The following KRT71 variants were observed in gnomAD, a reference collection of about 807,000 sequenced individuals.
KRT71 encodes keratin 71, also known as keratin, type II cytoskeletal 71.
Under a neutral mutation model 46.2 loss-of-function variants are expected in KRT71, and 42 were observed. That is an observed-to-expected ratio of 0.91 (90% CI 0.71 to 1.18). The LOEUF (loss-of-function observed/expected upper bound fraction) is 1.18. Among genes scored for constraint, KRT71 ranks in the 50% most tolerant of loss-of-function variants. The pLI is 0.00. For synonymous variants in KRT71, 292 were observed against 277.8 expected (o/e 1.05, Z -0.51); for missense variants, 708 against 677.9 (o/e 1.04, Z -0.49).
Position 52,544,474 on chromosome 12 carries a change from T to A in KRT71, c.*58A>T, listed in dbSNP as rs564579180. 2.1e-6 allele frequency: 3 copies of A among 1,461,906 alleles called. No homozygotes were observed. The highest frequency in any genetic ancestry group is 4.5e-5 in the East Asian group (2 of 44,052). The allele number at this position is 1,461,906 out of a possible 1,614,324, so 90.6% of individuals were successfully genotyped here. The stretch of plus-strand genomic sequence containing the variant: ...GGAGCTGAGAGTGGGCTGTGGGAAG[T>A]ACAGTGTGGGATCCAGAGCCGGGTC... On this transcript the variant is annotated 3_prime_UTR_variant, in exon 9 of 9. Transcript: ENST00000267119.
chr12:52,552,729 C>T lies in KRT71; in HGVS notation c.349G>A (p.Val117Met), dbSNP rs150480717. ...TTCTGGATCTCGGGGTCCAGCTCCA[C>T]GTTGAGGGGGGCCAGGAGGCTCTCA... is the stretch of plus-strand genomic sequence containing the variant. ...VNESLLAPLN[V>M]ELDPEIQKVR... is the part of the protein sequence containing the mutation. The change falls in exon 1 of 9, where the codon GTG (valine) becomes ATG (methionine). Residue 117 changes from valine (V) to methionine (M), a missense_variant. Physicochemically the swap from Val to Met is conservative, Grantham distance 21. Coordinates refer to ENST00000267119, the MANE Select transcript of KRT71 (RefSeq NM_033448.3). The T allele has an allele frequency of 2.4e-5, 39 of 1,613,976 alleles. No individual in the cohort carries two copies. Among genetic ancestry groups the T allele is most frequent in the Middle Eastern group, 1.6e-4 (1 of 6,084 alleles).
chr12:52,548,832 G>A (rs1939107790), intron 3 of KRT71, 36 bp from the exon 4 acceptor site: 4 of 1,588,864 alleles, frequency 2.5e-6, no homozygotes, highest in African/African-American at 1.3e-5. Context: ...GTCACTGCTG[G>A]TACAGCCAAA....
Position 52,548,738 on chromosome 12 carries a change from T to C in KRT71, c.776A>G (p.Asp259Gly). The C allele has an allele frequency of 6.2e-7, 1 of 1,614,186 alleles. No homozygotes were observed. The highest frequency in any genetic ancestry group is 8.5e-7 in the Non-Finnish European group (1 of 1,180,014). Reference protein sequence around the residue: ...VELQAKVESMDQEIKFFRCLF... With the variant: ...VELQAKVESMGQEIKFFRCLF... ...ACACCTGAAGAACTTGATCTCCTGG[T>C]CCATGGATTCCACCTTGGCCTGCAG... The change falls in exon 4 of 9, where the codon GAC (aspartate) becomes GGC (glycine). Residue 259 changes from aspartate (D) to glycine (G), a missense_variant. Coordinates refer to ENST00000267119, the MANE Select transcript of KRT71 (RefSeq NM_033448.3).
chr12:52,546,614 T>C (rs1592203869), intron 6 of KRT71, 108 bp from the exon 7 acceptor site: 1 of 1,040,688 alleles, frequency 9.6e-7, no homozygotes. Context: ...GCCTCCACCC[T>C]ACACACACCA....
chr12:52,544,146 A>T lies in KRT71; in HGVS notation c.*386T>A. On this transcript the variant is annotated 3_prime_UTR_variant, in exon 9 of 9. Coordinates refer to ENST00000267119, the MANE Select transcript of KRT71 (RefSeq NM_033448.3). Reference sequence around the variant, plus strand: ...CTTAAACACAGAGCCAGCTCCTGGCATAGGCAGGAACTATGCTAGGTCCCA... The same window carrying T: ...CTTAAACACAGAGCCAGCTCCTGGCTTAGGCAGGAACTATGCTAGGTCCCA... 4.6e-6 allele frequency: 1 copy of T among 216,840 alleles called. No homozygotes were observed. The highest frequency in any genetic ancestry group is 1.1e-4 in the East Asian group (1 of 9,362). The allele number at this position is 216,840 out of a possible 1,614,324, so 13.4% of individuals were successfully genotyped here. A position where few individuals can be genotyped will look rare whatever the true frequency, so the allele number is the denominator to read the frequency against.
chr12:52,548,273 A>G lies in KRT71; in HGVS notation c.857T>C (p.Ile286Thr). The G allele has an allele frequency of 6.2e-7, 1 of 1,614,040 alleles. No individual in the cohort carries two copies. The highest frequency in any genetic ancestry group is 8.5e-7 in the Non-Finnish European group (1 of 1,179,918). ...GTTCCGGTTGTTGTCCATGGACAGG[A>G]TGACAGACATGTCACTGATGTGGGA... ...IQSHISDMSV[I>T]LSMDNNRNLD... Residue 286 changes from isoleucine (I) to threonine (T), a missense_variant, in exon 5 of 9, where the codon ATC becomes ACC. Physicochemically the swap from Ile to Thr is moderately conservative, Grantham distance 89. Transcript: ENST00000267119.
Position 52,552,950 on chromosome 12 carries a change from A to C in KRT71, c.128T>G (p.Phe43Cys). 6.2e-7 allele frequency: 1 copy of C among 1,614,156 alleles called. No individual in the cohort carries two copies. Among genetic ancestry groups the C allele is most frequent in the Non-Finnish European group, 8.5e-7 (1 of 1,180,044 alleles). The change falls in exon 1 of 9, where the codon TTT (phenylalanine) becomes TGT (cysteine). Residue 43 changes from phenylalanine to cysteine, a missense_variant. Physicochemically the swap from Phe to Cys is radical, Grantham distance 205. Transcript: ENST00000267119. The part of the protein sequence containing the change: ...RAGSKGLSGG[F>C]GSRSLYSLGG... Reference sequence around the variant, plus strand: ...CAGGCTGTAGAGGCTCCGGCTGCCAAAGCCCCCACTGAGCCCTTTGCTCCC... The same window carrying C: ...CAGGCTGTAGAGGCTCCGGCTGCCACAGCCCCCACTGAGCCCTTTGCTCCC...
rs375778160 is a variant in KRT71, at chr12:52,544,495, G to A, written c.*37C>T. On this transcript the variant is annotated 3_prime_UTR_variant, in exon 9 of 9. Transcript: ENST00000267119. ...GAAGTACAGTGTGGGATCCAGAGCC[G>A]GGTCATGGAATGAGGCGGGGCCCGG... 25 of 1,565,694 alleles carry A rather than the reference G, an allele frequency of 1.6e-5. No individual in the cohort carries two copies. The highest frequency in any genetic ancestry group is 1.0e-4 in the South Asian group (9 of 90,024).
intron 6 of KRT71, among the ~76,000 whole-genome samples, chr12:52,547,304 A>G (rs1396072862): frequency 4.6e-5 from 7 of 152,170 alleles, no homozygotes; most frequent in Non-Finnish European, 1.0e-4. Flanking sequence ...TTGCTATCGT[A>G]TATGTACATC....
In KRT71 at chr12:52,548,751, C is replaced by T. The variant is rs1377502417; in HGVS notation, c.763G>A (p.Val255Met). Residue 255 changes from valine to methionine, a missense_variant, in exon 4 of 9, where the codon GTG (valine) becomes ATG (methionine). By Grantham distance (21) the Val-to-Met change is conservative. Coordinates refer to ENST00000267119, the MANE Select transcript of KRT71 (RefSeq NM_033448.3). ...YANKVELQAK[V>M]ESMDQEIKFF... The stretch of plus-strand genomic sequence containing the variant: ...TTGATCTCCTGGTCCATGGATTCCA[C>T]CTTGGCCTGCAGTTCCACCTTATTG... 1.9e-6 allele frequency: 3 copies of T among 1,614,122 alleles called. No individual in the cohort carries two copies. The highest frequency in any genetic ancestry group is 2.5e-6 in the Non-Finnish European group (3 of 1,180,056).
chr12:52,550,328 C>A, intron 1 of KRT71, 85 bp from the exon 2 acceptor site: 1 of 1,491,334 alleles, frequency 6.7e-7, no homozygotes. Context: ...AAGCTTCTAT[C>A]TGCATTTTCT....
intron 1 of KRT71, among the ~76,000 whole-genome samples, chr12:52,551,039 G>A (rs139917701): frequency 3.9e-5 from 6 of 152,314 alleles, no homozygotes; most frequent in Non-Finnish European, 5.9e-5. Context: ...ATTATTCCCC[G>A]AAAATTTGTC....
chr12:52,553,070 C>A lies in KRT71; in HGVS notation c.8G>T (p.Arg3Leu). MS[R>L]QFTCKSGAAA... ...AGCTCCCGACTTGCAGGTGAATTGG[C>A]GGCTCATGTTGCTGGTGGAGACAAA... The change falls in exon 1 of 9, where the codon CGC becomes CTC. Residue 3 changes from arginine to leucine, a missense_variant. By Grantham distance (102) the Arg-to-Leu change is moderately radical. Transcript: ENST00000267119. 4 of 1,574,374 alleles carry A rather than the reference C, an allele frequency of 2.5e-6. No individual in the cohort carries two copies. The highest frequency in any genetic ancestry group is 3.5e-6 in the Non-Finnish European group (4 of 1,159,174).
At chr12:52,551,787 C>G (rs773764234) in intron 1 of KRT71, among the ~76,000 whole-genome samples, 5 of 152,172 alleles carry the variant, frequency 3.3e-5, no homozygotes, top group Admixed American at 1.3e-4. Context: ...GTGACTCATA[C>G]GATAGGGATA....
intron 6 of KRT71, 43 bp downstream of exon 6, chr12:52,547,814 C>T (rs1939081203): frequency 6.2e-7 from 1 of 1,605,564 alleles, no homozygotes; most frequent in African/African-American, 1.3e-5. Flanking sequence ...TCTACTCATG[C>T]TCCCCTGCAC....
intron 7 of KRT71, 62 bp downstream of exon 7, chr12:52,546,224 G>A: frequency 6.4e-7 from 1 of 1,574,176 alleles, no homozygotes; most frequent in South Asian, 1.1e-5. Flanking sequence ...GATGTGTTAG[G>A]CTTTCTCCTT....
chr12:52,544,091 C>T lies in KRT71; in HGVS notation c.*441G>A, dbSNP rs1457053005. ...ATGTGGGGGTGGGGACTGGGCCACT[C>T]TTGGTTGTTTGTCCTTCAGTCCTCC... is the stretch of plus-strand genomic sequence containing the variant. On this transcript the variant is annotated 3_prime_UTR_variant, in exon 9 of 9. Transcript: ENST00000267119. The T allele has an allele frequency of 5.3e-6, 1 of 189,800 alleles. No individual in the cohort carries two copies. Among genetic ancestry groups the T allele is most frequent in the Non-Finnish European group, 1.1e-5 (1 of 89,890 alleles). 11.8% of individuals were successfully genotyped at this position (189,800 alleles called of 1,614,324 possible).
At chr12:52,545,003 C>G (rs970638790) in intron 8 of KRT71, among the ~76,000 whole-genome samples, 1 of 152,198 alleles carries the variant, frequency 6.6e-6, no homozygotes, top group African/African-American at 2.4e-5. Flanking sequence ...ATACCCCTAC[C>G]TGTCCTCCTG....
intron 6 of KRT71, among the ~76,000 whole-genome samples, chr12:52,547,651 G>A (rs531586910): frequency 6.6e-6 from 1 of 152,270 alleles, no homozygotes; most frequent in East Asian, 1.9e-4. Flanking sequence ...TTCTAAGGAG[G>A]GGCTTCGAGG....
Sources: allele counts gnomAD v4.1 joint callset (sites outside exome capture counted in the v4.1 genomes callset), GRCh38; gene constraint gnomAD v4.1.1; transcripts MANE v1.5; gene names NCBI Gene and HGNC (gene_info 2026-07-23, HGNC 2026-07-21).